Variants in PPFIBP2 observed in about 807,000 individuals in gnomAD.
PPFIBP2 encodes the protein liprin-beta-2.
A neutral mutation model predicts 118.3 loss-of-function variants in PPFIBP2; 118 were observed. The ratio of observed to expected loss-of-function variants is 1.00; its 90% CI spans 0.86 to 1.16. PPFIBP2 has a LOEUF of 1.16. Among genes scored for constraint, PPFIBP2 ranks in the 50% most tolerant of loss-of-function variants. The probability of loss-of-function intolerance (pLI) is 0.00; values close to 1 mark genes in which losing one functional copy is unlikely to be tolerated. For synonymous variants in PPFIBP2, 414 were observed against 397.4 expected, an observed-to-expected ratio of 1.04 and a Z score of -0.50; for missense variants, 1,195 against 1,073.1, an observed-to-expected ratio of 1.11 and a Z score of -1.59.
Position 7,549,546 on chromosome 11 carries a change from C to T in PPFIBP2, c.64+7C>T, listed in dbSNP as rs2134529915. The T allele has an allele frequency of 1.3e-6, 2 of 1,548,588 alleles. No individual in the cohort carries two copies. Among genetic ancestry groups the T allele is most frequent in the South Asian group, 2.4e-5 (2 of 82,798 alleles). On this transcript the variant is annotated splice_region_variant and intron_variant, in intron 2 of 23. Transcript: ENST00000299492. ...ATGGACGGGATCATTGCAGGTACGC[C>T]CAGGGAACCCCAGCAACCAAGGTCT...
downstream of PPFIBP2, among the ~76,000 whole-genome samples, chr11:7,658,258 C>G (rs1350720404): frequency 6.8e-6 from 1 of 147,044 alleles, no homozygotes; most frequent in African/African-American, 2.6e-5. Flanking sequence ...AACTCGTCAT[C>G]TAGCATTAGG....
chr11:7,553,097 C>A (rs565938658), intron 2 of PPFIBP2, among the ~76,000 whole-genome samples: 1 of 152,266 alleles, frequency 6.6e-6, no homozygotes, highest in South Asian at 2.1e-4. Flanking sequence ...CTAGGATCTC[C>A]TTTTCATTGG....
At chr11:7,549,337 G>A (rs146854758) in intron 1 of PPFIBP2, 103 bp from the exon 2 acceptor site, 1 of 1,061,104 alleles carries the variant, frequency 9.4e-7, no homozygotes, top group Non-Finnish European at 1.4e-6. Context: ...TGATTCTTAT[G>A]AAAACACGTT....
chr11:7,651,164 T>TG (rs1853942097), intron 22 of PPFIBP2, 199 bp downstream of exon 22: 1 of 508,794 alleles, frequency 2.0e-6, no homozygotes, highest in African/African-American at 1.9e-5. Flanking sequence ...AGATGCCTTC[T>TG]GGCAGCACCT....
intron 3 of PPFIBP2, among the ~76,000 whole-genome samples, chr11:7,582,802 C>G (rs1857478594): frequency 6.6e-6 from 1 of 152,118 alleles, no homozygotes; most frequent in African/African-American, 2.4e-5. Context: ...ATTTCAGCAT[C>G]CTGTTTCATG....
intron 2 of PPFIBP2, among the ~76,000 whole-genome samples, chr11:7,550,661 C>G (rs116541467): frequency 2.1e-3 from 326 of 152,268 alleles, no homozygotes; most frequent in African/African-American, 7.4e-3. Flanking sequence ...TACTGAGTGT[C>G]AACTTGATTG....
chr11:7,664,698 G>C, the PPFIBP2 span, among the ~76,000 whole-genome samples: 1 of 152,116 alleles, frequency 6.6e-6, no homozygotes, highest in Admixed American at 6.5e-5. Flanking sequence ...CCAGGCCCTG[G>C]AGTGTGTCCT....
intron 1 of PPFIBP2, among the ~76,000 whole-genome samples, chr11:7,521,134 T>C (rs530677309): frequency 1.3e-5 from 2 of 152,330 alleles, no homozygotes; most frequent in South Asian, 4.1e-4. Context: ...TTCTCCCTGG[T>C]TATTCTTACT....
At chr11:7,529,380 A>G (rs1030021636) in intron 1 of PPFIBP2, among the ~76,000 whole-genome samples, 1 of 152,208 alleles carries the variant, frequency 6.6e-6, no homozygotes, top group Non-Finnish European at 1.5e-5. Flanking sequence ...ACTGTTACAC[A>G]TCGTATATGG....
chr11:7,556,635 CT>C (rs991146390), intron 2 of PPFIBP2, among the ~76,000 whole-genome samples: 27 of 152,092 alleles, frequency 1.8e-4, no homozygotes, highest in South Asian at 4.2e-4. Flanking sequence ...TTTCATCCTG[CT>C]TTTTTTGCAT....
At chr11:7,593,539 C>A (rs918480766) in intron 4 of PPFIBP2, among the ~76,000 whole-genome samples, 1 of 152,134 alleles carries the variant, frequency 6.6e-6, no homozygotes, top group Admixed American at 6.5e-5. Context: ...TGGGCCCTGT[C>A]CCCCAGAAGC....
intron 1 of PPFIBP2, among the ~76,000 whole-genome samples, chr11:7,517,289 G>A (rs1234252123): frequency 6.6e-6 from 1 of 152,196 alleles, no homozygotes; most frequent in East Asian, 1.9e-4. Flanking sequence ...TGCCTGGGAG[G>A]AGCAGATTGG....
downstream of PPFIBP2, among the ~76,000 whole-genome samples, chr11:7,654,391 C>T (rs144211495): frequency 6.6e-5 from 10 of 152,338 alleles, no homozygotes; most frequent in East Asian, 1.9e-3. Context: ...TCCCCTCAAT[C>T]CCCTGGGCCT....
At chr11:7,664,076 C>T in the PPFIBP2 span, among the ~76,000 whole-genome samples, 30,190 of 152,070 alleles carry the variant, frequency 0.2, 3,078 homozygotes, top group Middle Eastern at 0.25. Context: ...GAACCCGGTA[C>T]CTCAGATGGA....
In PPFIBP2 at chr11:7,625,867, C is replaced by T. The variant is rs147849861; in HGVS notation, c.802C>T (p.His268Tyr). The T allele has an allele frequency of 2.8e-3, 4,576 of 1,614,202 alleles. 12 individuals carry two copies. The highest frequency in any genetic ancestry group is 4.1e-3 in the Middle Eastern group (25 of 6,062). Residue 268 changes from histidine to tyrosine, a missense_variant, in exon 8 of 24, where the codon CAC becomes TAC. By Grantham distance (83) the His-to-Tyr change is moderately conservative. Coordinates refer to ENST00000299492, the MANE Select transcript of PPFIBP2 (RefSeq NM_003621.5). ...CCAGCTCTCCCGGACAGCAGCTCTC[C>T]ACAGTGAGAGTCACACAGAGAGAGG... Reference protein sequence around the residue: ...HSQLSRTAALHSESHTERDQE... With the variant: ...HSQLSRTAALYSESHTERDQE...
At chr11:7,614,475 T>G (rs1280579615) in intron 6 of PPFIBP2, among the ~76,000 whole-genome samples, 1 of 152,248 alleles carries the variant, frequency 6.6e-6, no homozygotes, top group Non-Finnish European at 1.5e-5. Flanking sequence ...GTCTGCATAT[T>G]GTTCTACCAT....
intron 5 of PPFIBP2, among the ~76,000 whole-genome samples, chr11:7,598,842 T>C (rs1227914667): frequency 6.6e-6 from 1 of 152,202 alleles, no homozygotes; most frequent in African/African-American, 2.4e-5. Context: ...ATGACAAATG[T>C]CATGAGAATT....
At chr11:7,605,155 G>A (rs996593873) in intron 5 of PPFIBP2, among the ~76,000 whole-genome samples, 1 of 152,218 alleles carries the variant, frequency 6.6e-6, no homozygotes, top group Non-Finnish European at 1.5e-5. Context: ...CTGCAGAAAA[G>A]ATGGCAATGT....
rs369314120 is a variant in PPFIBP2, at chr11:7,626,215, T to G, written c.826+324T>G. The stretch of plus-strand genomic sequence containing the variant: ...AAAATGTAGGAAATACCTAACTCTT[T>G]CATTTGACTGAAAGGCCTTACTTTT... On this transcript the variant is annotated intron_variant, in intron 8 of 23. Transcript: ENST00000299492. Among the ~76,000 whole-genome samples, 99 of 152,220 alleles carry G rather than the reference T, an allele frequency of 6.5e-4. 1 individual carries two copies. Among genetic ancestry groups the G allele is most frequent in the Admixed American group, 1.1e-3 (17 of 15,288 alleles).
Sources: gnomAD v4.1 joint callset for allele counts (sites outside exome capture counted in the v4.1 genomes callset) on GRCh38, gnomAD v4.1.1 for gene constraint, MANE v1.5 for transcripts, NCBI Gene and HGNC (gene_info 2026-07-23, HGNC 2026-07-21) for gene names.